Variants in ERAP1 observed in about 807,000 individuals in gnomAD.
The protein encoded by ERAP1 is endoplasmic reticulum aminopeptidase 1, also known as adipocyte-derived leucine aminopeptidase.
Under a neutral mutation model 103.7 loss-of-function variants are expected in ERAP1, and 86 were observed. That is an observed-to-expected ratio of 0.83 (90% CI 0.70 to 0.99). The LOEUF (loss-of-function observed/expected upper bound fraction) is 0.99. Among genes scored for constraint, ERAP1 ranks in the 50% least tolerant of loss-of-function variants. ERAP1 has a pLI of 0.00. For missense variants in ERAP1, 1,009 were observed against 1,128.4 expected (o/e 0.89, Z 1.52); for synonymous variants, 398 against 402.4 (o/e 0.99, Z 0.13).
chr5:96,792,015 T>C, intron 8 of ERAP1, 46 bp downstream of exon 8: 3 of 1,607,728 alleles, frequency 1.9e-6, no homozygotes, highest in Non-Finnish European at 2.6e-6. Flanking sequence ...CCAGTATGTA[T>C]AACTTTAGTA....
chr5:96,889,394 A>C, the ERAP1 span: 1 of 1,411,846 alleles, frequency 7.1e-7, no homozygotes, highest in Non-Finnish European at 1.0e-6. Context: ...TGTGATTTAA[A>C]TGAGCACTGA....
At chr5:96,842,948 T>C in the ERAP1 span, among the ~76,000 whole-genome samples, 11 of 152,324 alleles carry the variant, frequency 7.2e-5, no homozygotes, top group East Asian at 2.1e-3. Context: ...CATCTTGAGT[T>C]GAATTTTGTA....
chr5:96,781,185 T>G lies in ERAP1; in HGVS notation c.2461A>C (p.Ser821Arg), dbSNP rs906934972. 6.2e-7 allele frequency: 1 copy of G among 1,612,622 alleles called. No individual in the cohort carries two copies. The highest frequency in any genetic ancestry group is 8.5e-7 in the Non-Finnish European group (1 of 1,179,584). ...GTTTTTATTTTATCTCCCTTAAAGCTTTCATCTAGTAGCCTAGAAGGATTA... is the reference window on the plus strand; with the variant it reads ...GTTTTTATTTTATCTCCCTTAAAGCGTTCATCTAGTAGCCTAGAAGGATTA... ...KEKLQWLLDESFKGDKIKTQE... is the reference protein window; with the variant it reads ...KEKLQWLLDERFKGDKIKTQE... The change falls in exon 17 of 19, where the codon AGC (serine) becomes CGC (arginine). Residue 821 changes from serine (S) to arginine (R), a missense_variant. By Grantham distance (110) the Ser-to-Arg change is moderately radical. Around this residue, in one of 3 missense-constraint regions of ERAP1, gnomAD observed 611 missense variants for 651.7 expected, o/e 0.94. Coordinates refer to ENST00000443439, the MANE Select transcript of ERAP1 (RefSeq NM_001040458.3).
intron 19 of ERAP1, among the ~76,000 whole-genome samples, chr5:96,763,433 A>G (rs1317034614): frequency 6.6e-6 from 1 of 152,236 alleles, no homozygotes; most frequent in Non-Finnish European, 1.5e-5. Context: ...AGGAAGAATC[A>G]TTAATAGCCT....
At chr5:96,917,528 G>T in the ERAP1 span, 3 of 1,613,910 alleles carry the variant, frequency 1.9e-6, no homozygotes, top group Non-Finnish European at 2.5e-6. Context: ...AACTGTTCTG[G>T]AAACGATAAC....
the ERAP1 span, among the ~76,000 whole-genome samples, chr5:96,817,218 C>T: frequency 1.3e-5 from 2 of 152,140 alleles, no homozygotes; most frequent in East Asian, 1.9e-4. Flanking sequence ...GCTAGGCAGT[C>T]CCAGGGCACA....
chr5:96,773,601 TTATA>T (rs34189592), downstream of ERAP1: 3 of 151,530 alleles, frequency 2.0e-5, no homozygotes, highest in South Asian at 6.2e-4. Flanking sequence ...TTTAAAAAAA[TTATA>T]TATATATATT....
the ERAP1 span, among the ~76,000 whole-genome samples, chr5:96,856,736 A>C: frequency 6.6e-6 from 1 of 151,958 alleles, no homozygotes; most frequent in East Asian, 1.9e-4. Flanking sequence ...CTCCCTACTT[A>C]CGGCATAGTT....
the ERAP1 span, among the ~76,000 whole-genome samples, chr5:96,910,819 A>G: frequency 2.6e-5 from 4 of 152,196 alleles, no homozygotes; most frequent in South Asian, 2.1e-4. Context: ...TACTTCATTC[A>G]TTTGTGGATT....
At chr5:96,851,687 G>A in the ERAP1 span, among the ~76,000 whole-genome samples, 1 of 152,090 alleles carries the variant, frequency 6.6e-6, no homozygotes, top group Non-Finnish European at 1.5e-5. Context: ...TCAATTTTCT[G>A]GCACTCTCCC....
downstream of ERAP1, chr5:96,772,703 A>G (rs1225949622): frequency 6.5e-6 from 1 of 152,758 alleles, no homozygotes; most frequent in Admixed American, 6.5e-5. Context: ...GGCTTTGGCA[A>G]CAGAAAACAA....
At chr5:96,793,328 G>A in intron 7 of ERAP1, 72 bp downstream of exon 7, 6 of 1,014,088 alleles carry the variant, frequency 5.9e-6, no homozygotes, top group Non-Finnish European at 9.3e-6. Context: ...TCAAAGATTA[G>A]TGAATATTTT....
chr5:96,763,350 G>T (rs1380480794), intron 19 of ERAP1: 2 of 743,508 alleles, frequency 2.7e-6, no homozygotes, highest in Non-Finnish European at 5.0e-6. Context: ...CCCCGTGTGT[G>T]TGTATGTGCA....
chr5:96,911,689 T>G, the ERAP1 span, among the ~76,000 whole-genome samples: 2 of 151,482 alleles, frequency 1.3e-5, no homozygotes, highest in African/African-American at 2.4e-5. Flanking sequence ...CTTGTCAACA[T>G]AGTGAGAGCC....
At chr5:96,808,603 T>C (rs1778956635), upstream of ERAP1, among the ~76,000 whole-genome samples, 1 of 152,258 alleles carries the variant, frequency 6.6e-6, no homozygotes, top group Admixed American at 6.5e-5. Flanking sequence ...CCCCCAGGAC[T>C]TTCCTGCACT....
At chr5:96,906,208 C>CCTCCTCCTCTTCCTT in the ERAP1 span, among the ~76,000 whole-genome samples, 1 of 151,806 alleles carries the variant, frequency 6.6e-6, no homozygotes. Context: ...TCCTCCCCCT[C>CCTCCTCCTCTTCCTT]CTCCTCCTCT....
chr5:96,879,350 T>C, the ERAP1 span, among the ~76,000 whole-genome samples: 1 of 152,212 alleles, frequency 6.6e-6, no homozygotes, highest in South Asian at 2.1e-4. Context: ...TTACATTCAA[T>C]TTTAAGGTAG....
At chr5:96,813,365 G>T in the ERAP1 span, among the ~76,000 whole-genome samples, 300 of 152,164 alleles carry the variant, frequency 2.0e-3, 2 homozygotes, top group Middle Eastern at 3.4e-3. Flanking sequence ...TAATTAAAAT[G>T]ACCTCTAGGC....
At chr5:96,927,853 T>C in the ERAP1 span, among the ~76,000 whole-genome samples, 5 of 152,218 alleles carry the variant, frequency 3.3e-5, no homozygotes, top group East Asian at 1.9e-4. Flanking sequence ...CCTTGTGAAG[T>C]CCCTTGGTTT....
Sources: allele counts gnomAD v4.1 joint callset (sites outside exome capture counted in the v4.1 genomes callset), GRCh38; gene constraint gnomAD v4.1.1; regional missense constraint gnomAD v4.1.1; transcripts MANE v1.5; gene names NCBI Gene and HGNC (gene_info 2026-07-23, HGNC 2026-07-21).